ZMYM6: variants seen among roughly 807,000 people sequenced by gnomAD.
The protein encoded by ZMYM6 is zinc finger MYM-type containing 6.
ZMYM6 carries 90 observed loss-of-function variants against 134.0 expected under a neutral mutation model. That is an observed-to-expected ratio of 0.67 (90% CI 0.57 to 0.80). ZMYM6 has a LOEUF of 0.80. ZMYM6 is among the 30% of genes least tolerant of loss of function. The pLI is 0.00. For synonymous variants in ZMYM6, 481 were observed against 524.1 expected (o/e 0.92, Z 1.12); for missense variants, 1,362 against 1,533.9 (o/e 0.89, Z 1.87).
intron 4 of ZMYM6, chr1:35,018,583 T>C (rs1049158012): frequency 6.6e-6 from 1 of 152,166 alleles, no homozygotes; most frequent in African/African-American, 2.4e-5. Context: ...GTACTTGCTA[T>C]GTGCTAGGCC....
At chr1:35,022,377 C>T (rs1641327671) in intron 2 of ZMYM6, among the ~76,000 whole-genome samples, 1 of 152,024 alleles carries the variant, frequency 6.6e-6, no homozygotes, top group Non-Finnish European at 1.5e-5. Flanking sequence ...TTCAAGTGAT[C>T]CTCAGCCTCC....
At chr1:35,011,083 G>A (rs1051449271) in intron 8 of ZMYM6, 47 bp from the exon 9 acceptor site, 5 of 1,561,038 alleles carry the variant, frequency 3.2e-6, no homozygotes, top group Non-Finnish European at 4.3e-6. Context: ...TGAGAAATAA[G>A]ATAACTTTGT....
Position 34,987,085 on chromosome 1 carries a change from T to C in ZMYM6, c.*19A>G. On this transcript the variant is annotated 3_prime_UTR_variant, in exon 16 of 16. Coordinates refer to ENST00000357182, the MANE Select transcript of ZMYM6 (RefSeq NM_007167.4). ...TAACACAGGATTATTGACTTCACTG[T>C]TAAGCAATGTGCATATTGCTACTCT... The C allele has an allele frequency of 6.8e-7, 1 of 1,477,402 alleles. No individual in the cohort carries two copies. The highest frequency in any genetic ancestry group is 9.1e-7 in the Non-Finnish European group (1 of 1,103,844). The allele number at this position is 1,477,402 out of a possible 1,614,324, so 91.5% of individuals were successfully genotyped here.
intron 2 of ZMYM6, 82 bp downstream of exon 2, chr1:35,030,465 G>T: frequency 7.5e-7 from 1 of 1,336,470 alleles, no homozygotes; most frequent in Non-Finnish European, 1.0e-6. Context: ...CAAACCAGAA[G>T]CCGTTTAACT....
intron 14 of ZMYM6, among the ~76,000 whole-genome samples, chr1:34,996,610 T>C (rs1640790212): frequency 6.6e-6 from 1 of 152,216 alleles, no homozygotes; most frequent in Non-Finnish European, 1.5e-5. Flanking sequence ...AATGGCACCA[T>C]GTTACACAAT....
chr1:35,004,585 G>A (rs1640932710), intron 13 of ZMYM6, among the ~76,000 whole-genome samples: 1 of 151,814 alleles, frequency 6.6e-6, no homozygotes, highest in Non-Finnish European at 1.5e-5. Context: ...CTCCAGCCTG[G>A]GTGACACAGT....
In ZMYM6 at chr1:35,008,820, A is replaced by G. The variant is rs1398206751; in HGVS notation, c.1597T>C (p.Leu533=). 1.9e-6 allele frequency: 3 copies of G among 1,614,042 alleles called. No homozygotes were observed. Among genetic ancestry groups the G allele is most frequent in the African/African-American group, 2.7e-5 (2 of 74,934 alleles). The change falls in exon 11 of 16, where the codon TTG becomes CTG. Residue 533 remains leucine (L), a synonymous_variant. Coordinates refer to ENST00000357182, the MANE Select transcript of ZMYM6 (RefSeq NM_007167.4). The part of the protein sequence containing the change: ...QTSPNLVENR[L]EGKLEEFCCE... ...CAAAACTCTTCTAACTTGCCCTCCA[A>G]TCGATTTTCTACCAAATTTGGGGAT...
chr1:34,989,928 G>A (rs1640642553), intron 15 of ZMYM6: 2 of 151,590 alleles, frequency 1.3e-5, no homozygotes, highest in South Asian at 4.2e-4. Context: ...GGAAGAAAAA[G>A]AGACAGAAAA....
chr1:35,025,762 AAT>A (rs1641402971), intron 2 of ZMYM6, among the ~76,000 whole-genome samples: 1 of 152,172 alleles, frequency 6.6e-6, no homozygotes, highest in Non-Finnish European at 1.5e-5. Context: ...TGGGCTCTTG[AAT>A]CAGACTGCTG....
At chr1:35,020,646 C>T (rs1053860310) in intron 2 of ZMYM6, among the ~76,000 whole-genome samples, 179 bp from the exon 3 acceptor site, 2 of 146,030 alleles carry the variant, frequency 1.4e-5, no homozygotes, top group Non-Finnish European at 3.0e-5. Flanking sequence ...GATCTCAGCT[C>T]GTTGCAACCT....
chr1:35,013,512 C>A (rs1322021804), intron 6 of ZMYM6: 3 of 985,190 alleles, frequency 3.0e-6, no homozygotes, highest in South Asian at 4.7e-5. Flanking sequence ...AACATGGATT[C>A]TTTTCCTGTG....
chr1:35,010,318 G>A, intron 10 of ZMYM6, 129 bp downstream of exon 10: 1 of 1,232,832 alleles, frequency 8.1e-7, no homozygotes, highest in Non-Finnish European at 1.1e-6. Flanking sequence ...TCCATGCCCG[G>A]CCTCCAAAAT....
Position 35,008,827 on chromosome 1 carries a change from T to A in ZMYM6, c.1590A>T (p.Glu530Asp). 1 of 1,614,098 alleles carries A rather than the reference T, an allele frequency of 6.2e-7. No homozygotes were observed. The highest frequency in any genetic ancestry group is 8.5e-7 in the Non-Finnish European group (1 of 1,179,996). ...YCSQTSPNLV[E>D]NRLEGKLEEF... is the part of the protein sequence containing the mutation. ...CTTCTAACTTGCCCTCCAATCGATT[T>A]TCTACCAAATTTGGGGATGTCTGTG... The change falls in exon 11 of 16, where the codon GAA becomes GAT. Residue 530 changes from glutamate to aspartate, a missense_variant. By Grantham distance (45) the Glu-to-Asp change is conservative (BLOSUM62 2). Around this residue, in one of 3 missense-constraint regions of ZMYM6, gnomAD observed 824 missense variants for 940.9 expected, o/e 0.88. Transcript: ENST00000357182.
Position 35,020,462 on chromosome 1 carries a change from A to G in ZMYM6, c.99T>C (p.Tyr33=). The change falls in exon 3 of 16, where the codon TAT becomes TAC. Residue 33 remains tyrosine, a synonymous_variant. Coordinates refer to ENST00000357182, the MANE Select transcript of ZMYM6 (RefSeq NM_007167.4). Reference sequence around the variant, plus strand: ...GAGTTTTTGGCTGTTGGACACATCCATACTCCTTTAAAAAAAAAAAGAAAA... The same window carrying G: ...GAGTTTTTGGCTGTTGGACACATCCGTACTCCTTTAAAAAAAAAAAGAAAA... The part of the protein sequence containing the change: ...IKEEPDNAQE[Y]GCVQQPKTQE... 1.3e-6 allele frequency: 2 copies of G among 1,580,240 alleles called. No individual in the cohort carries two copies. The highest frequency in any genetic ancestry group is 1.7e-6 in the Non-Finnish European group (2 of 1,173,380).
rs948733934 is a variant in ZMYM6, at chr1:35,008,734, G to A, written c.1665+18C>T. 4.4e-6 allele frequency: 7 copies of A among 1,597,252 alleles called. No individual in the cohort carries two copies. Among genetic ancestry groups the A allele is most frequent in the African/African-American group, 4.1e-5 (3 of 73,952 alleles). On this transcript the variant is annotated intron_variant, in intron 11 of 15. Coordinates refer to ENST00000357182, the MANE Select transcript of ZMYM6 (RefSeq NM_007167.4). ...CACTGATTTCAGAAAGCCAAAAAAA[G>A]TATATTATCACATTTACCTGATAAA... is the stretch of plus-strand genomic sequence containing the variant.
At position 35,010,860 on chromosome 1, in the gene ZMYM6, A is replaced by C; in HGVS notation, c.1239T>G (p.Ala413=). 1 of 1,613,986 alleles carries C rather than the reference A, an allele frequency of 6.2e-7. No homozygotes were observed. Among genetic ancestry groups the C allele is most frequent in the Non-Finnish European group, 8.5e-7 (1 of 1,179,964 alleles). The change falls in exon 9 of 16, where the codon GCT becomes GCG. Residue 413 remains alanine (A), a synonymous_variant. Transcript: ENST00000357182. ...TTAAAGCAACTTGCTGGGATTGTTC[A>C]GCAAGAGGTTGGAGGCTGGCTGCAG... ...GSAAASLQPL[A]EQSQQVALTH... is the part of the protein sequence containing the mutation.
Position 35,020,633 on chromosome 1 carries a change from C to T in ZMYM6, c.94-166G>A, listed in dbSNP as rs372854327. 8.6e-4 allele frequency among the ~76,000 whole-genome samples: 119 copies of T among 137,636 alleles called. 2 individuals are homozygous for T. In the South Asian group the frequency reaches 0.02, roughly 23 times the overall value. 90.3% of individuals were successfully genotyped at this position (137,636 alleles called of 152,430 possible). A position where few individuals can be genotyped will look rare whatever the true frequency, so the allele number is the denominator to read the frequency against. ...GGGTGCCCAGGCTGAAGTGCAGTGG[C>T]GCGATCTCAGCTCGTTGCAACCTCT... is the stretch of plus-strand genomic sequence containing the variant. On this transcript the variant is annotated intron_variant, in intron 2 of 15. Coordinates refer to ENST00000357182, the MANE Select transcript of ZMYM6 (RefSeq NM_007167.4).
rs1031931942 is a variant in ZMYM6, at chr1:34,988,519, G to A, written c.2563C>T (p.Pro855Ser). The change falls in exon 16 of 16, where the codon CCA becomes TCA. Residue 855 changes from proline (P) to serine (S), a missense_variant. Coordinates refer to ENST00000357182, the MANE Select transcript of ZMYM6 (RefSeq NM_007167.4). ...TCTGAACACATTTCTACTAAATATG[G>A]TTTAATTAATTCTTCAGCAATGGAG... The part of the protein sequence containing the change: ...PFSIAEELIK[P>S]YLVEMCSEVL... 6.4e-6 allele frequency: 10 copies of A among 1,550,940 alleles called. No individual in the cohort carries two copies. Among genetic ancestry groups the A allele is most frequent in the Non-Finnish European group, 8.7e-6 (10 of 1,146,756 alleles).
intron 14 of ZMYM6, among the ~76,000 whole-genome samples, chr1:35,001,694 C>T (rs1640884251): frequency 6.6e-6 from 1 of 152,064 alleles, no homozygotes; most frequent in Admixed American, 6.5e-5. Context: ...ATGCAAAATA[C>T]ATAATATTCA....
Sources: allele counts gnomAD v4.1 joint callset (sites outside exome capture counted in the v4.1 genomes callset), GRCh38; gene constraint gnomAD v4.1.1; regional missense constraint gnomAD v4.1.1; transcripts MANE v1.5; gene names NCBI Gene and HGNC (gene_info 2026-07-23, HGNC 2026-07-21).